PRRC2B: variants seen among roughly 807,000 people sequenced by gnomAD.
The protein encoded by PRRC2B is protein PRRC2B.
PRRC2B carries 68 observed loss-of-function variants against 242.3 expected under a neutral mutation model. The ratio of observed to expected loss-of-function variants is 0.28; its 90% CI spans 0.23 to 0.34. The LOEUF is 0.34. Ranked by LOEUF, PRRC2B falls within the 10% of genes least tolerant of loss-of-function variation. The pLI is 1.00. For missense variants in PRRC2B, 2,835 were observed against 2,954.8 expected (o/e 0.96, Z 0.94); for synonymous variants, 1,228 against 1,173.6 (o/e 1.05, Z -0.95).
chr9:131,403,472 C>T (rs1009107734), intron 1 of PRRC2B, among the ~76,000 whole-genome samples: 1 of 151,870 alleles, frequency 6.6e-6, no homozygotes, highest in Admixed American at 6.6e-5. Flanking sequence ...CTGCCTCAGC[C>T]TCTTGAGTAG....
Position 131,436,482 on chromosome 9 carries a change from T to C in PRRC2B, c.294-138T>C, listed in dbSNP as rs570881747. ...AGTTTTTGCCAGCATAAGAATCTAC[T>C]GGGGAAAGTCGTATTTTTATTGGCC... is the stretch of plus-strand genomic sequence containing the variant. On this transcript the variant is annotated intron_variant, in intron 3 of 31. Transcript: ENST00000683519. 57 of 599,514 alleles carry C rather than the reference T, an allele frequency of 9.5e-5. No homozygotes were observed. The East Asian group carries it at 1.3e-3, about 13-fold the overall frequency. The allele number at this position is 599,514 out of a possible 1,614,324, so 37.1% of individuals were successfully genotyped here. A position where few individuals can be genotyped will look rare whatever the true frequency, so the allele number is the denominator to read the frequency against.
intron 10 of PRRC2B, among the ~76,000 whole-genome samples, chr9:131,455,515 T>C (rs1334008973): frequency 2.6e-5 from 1 of 38,506 alleles, no homozygotes; most frequent in Admixed American, 2.1e-4. Flanking sequence ...AACTTCTTTT[T>C]TTTTTTTTTT....
rs1292854567 is a variant in PRRC2B, at chr9:131,430,079, C to A, written c.-51-15C>A. On this transcript the variant is annotated splice_polypyrimidine_tract_variant and intron_variant, in intron 1 of 31. Coordinates refer to ENST00000683519, the MANE Select transcript of PRRC2B (RefSeq NM_013318.4). The stretch of plus-strand genomic sequence containing the variant: ...CTCTCTCTTTTTTTTTTTTTCTTCT[C>A]TATTTCAAAGGCAGATCGGGAGCGG... 166 of 454,894 alleles carry A rather than the reference C, an allele frequency of 3.6e-4. No homozygotes were observed. Among genetic ancestry groups the A allele is most frequent in the Non-Finnish European group, 4.5e-4 (123 of 274,378 alleles). The allele number at this position is 454,894 out of a possible 1,614,324, so 28.2% of individuals were successfully genotyped here. A position where few individuals can be genotyped will look rare whatever the true frequency, so the allele number is the denominator to read the frequency against.
In PRRC2B at chr9:131,496,126, C is replaced by G. The variant is rs984320314; in HGVS notation, c.*252C>G. On this transcript the variant is annotated 3_prime_UTR_variant, in exon 32 of 32. Transcript: ENST00000683519. ...ACTCCTTCATCCCATCTGCTCCTAC[C>G]GTGACTGTGGAGTGACGCCTCCTGT... The G allele has an allele frequency of 1.3e-4, 64 of 485,004 alleles. No homozygotes were observed. Among genetic ancestry groups the G allele is most frequent in the Non-Finnish European group, 2.0e-4 (53 of 268,226 alleles). 30.0% of individuals were successfully genotyped at this position (485,004 alleles called of 1,614,324 possible). A position where few individuals can be genotyped will look rare whatever the true frequency, so the allele number is the denominator to read the frequency against.
chr9:131,493,744 T>A (rs564943063), intron 30 of PRRC2B, among the ~76,000 whole-genome samples: 13 of 152,304 alleles, frequency 8.5e-5, no homozygotes, highest in African/African-American at 2.9e-4. Context: ...CCTGGTCAGG[T>A]CCTTGGGGGA....
chr9:131,446,748 T>C lies in PRRC2B; in HGVS notation c.855+106T>C. 1 of 1,315,988 alleles carries C rather than the reference T, an allele frequency of 7.6e-7. No individual in the cohort carries two copies. Among genetic ancestry groups the C allele is most frequent in the Non-Finnish European group, 1.1e-6 (1 of 952,254 alleles). The allele number at this position is 1,315,988 out of a possible 1,614,324, so 81.5% of individuals were successfully genotyped here. A position where few individuals can be genotyped will look rare whatever the true frequency, so the allele number is the denominator to read the frequency against. On this transcript the variant is annotated intron_variant, in intron 7 of 31. Coordinates refer to ENST00000683519, the MANE Select transcript of PRRC2B (RefSeq NM_013318.4). This position sits in a 1 kb window ranked among gnomAD's most constrained non-coding sequence, Gnocchi z 4.1. ...CCTTGGGGTCTCCTCTTGGCCCTGT[T>C]ACCCTACTTCTGAGGCTTCCACTCG...
chr9:131,467,464 G>A, intron 12 of PRRC2B, 99 bp from the exon 13 acceptor site: 1 of 1,054,750 alleles, frequency 9.5e-7, no homozygotes, highest in Non-Finnish European at 1.4e-6. Flanking sequence ...TAGCAGTGGA[G>A]CGTACGGGCC....
At chr9:131,382,235 T>C (rs1034797996) in intron 1 of PRRC2B, among the ~76,000 whole-genome samples, 11 of 152,144 alleles carry the variant, frequency 7.2e-5, no homozygotes, top group Non-Finnish European at 1.6e-4. Flanking sequence ...CAGGATGGTC[T>C]CAAACTCCTG....
rs553444971 is a variant in PRRC2B, at chr9:131,462,836, T to TAA, written c.1405-1908_1405-1907dup. 2.0e-3 allele frequency among the ~76,000 whole-genome samples: 163 copies of TAA among 81,934 alleles called. 5 individuals are homozygous for TAA. The highest frequency in any genetic ancestry group is 7.0e-3 in the African/African-American group (154 of 21,942). 53.8% of individuals were successfully genotyped at this position (81,934 alleles called of 152,430 possible). A position where few individuals can be genotyped will look rare whatever the true frequency, so the allele number is the denominator to read the frequency against. On this transcript the variant is annotated intron_variant, in intron 11 of 31. Coordinates refer to ENST00000683519, the MANE Select transcript of PRRC2B (RefSeq NM_013318.4). ...CTGGGTGACAGAGTGAGACTCCGTCTAAAAAAAAAAAAAAAAAAAAGGTCT... is the reference window on the plus strand; with the variant it reads ...CTGGGTGACAGAGTGAGACTCCGTCTAAAAAAAAAAAAAAAAAAAAAAGGTCT...
intron 1 of PRRC2B, among the ~76,000 whole-genome samples, chr9:131,380,504 G>T (rs549380951): frequency 1.3e-5 from 2 of 148,930 alleles, no homozygotes; most frequent in South Asian, 4.3e-4. Context: ...CCTTGAACCC[G>T]GGAGGCGGAG....
chr9:131,498,377 C>T lies in PRRC2B; in HGVS notation c.*2503C>T, dbSNP rs1011950832. 40 of 152,164 alleles carry T rather than the reference C, an allele frequency of 2.6e-4. 1 individual carries two copies. The highest frequency in any genetic ancestry group is 2.6e-3 in the Admixed American group (40 of 15,274). 9.4% of individuals were successfully genotyped at this position (152,164 alleles called of 1,614,324 possible). On this transcript the variant is annotated 3_prime_UTR_variant, in exon 32 of 32. Coordinates refer to ENST00000683519, the MANE Select transcript of PRRC2B (RefSeq NM_013318.4). Reference sequence around the variant, plus strand: ...TTGCATGTGAAGTTCGGTGCAGTCACCACCTGTGTGTGACCTGAGCTGCAG... The same window carrying T: ...TTGCATGTGAAGTTCGGTGCAGTCATCACCTGTGTGTGACCTGAGCTGCAG...
At chr9:131,409,168 A>G (rs1048094642) in intron 1 of PRRC2B, among the ~76,000 whole-genome samples, 1 of 151,792 alleles carries the variant, frequency 6.6e-6, no homozygotes, top group African/African-American at 2.4e-5. Flanking sequence ...GATTACAGGC[A>G]TGTGCCACGA....
At chr9:131,454,739 G>A (rs1365070324) in intron 9 of PRRC2B, among the ~76,000 whole-genome samples, 2 of 151,856 alleles carry the variant, frequency 1.3e-5, no homozygotes, top group Admixed American at 6.6e-5. Context: ...GCGTTCAAGC[G>A]ATTCTCCTGC....
intron 25 of PRRC2B, among the ~76,000 whole-genome samples, chr9:131,485,501 C>A (rs752440790): frequency 6.6e-6 from 1 of 152,198 alleles, no homozygotes; most frequent in Admixed American, 6.5e-5. Context: ...CATGAAACTC[C>A]GTGGGGTGGC....
At chr9:131,465,252 C>A (rs1943359866) in intron 12 of PRRC2B, among the ~76,000 whole-genome samples, 174 bp downstream of exon 12, 1 of 152,124 alleles carries the variant, frequency 6.6e-6, no homozygotes, top group Non-Finnish European at 1.5e-5. Context: ...GGGTTCTGAT[C>A]CTATTTGAAC....
rs1377125902 is a variant in PRRC2B, at chr9:131,494,115, C to T, written c.6474-290C>T. Among the ~76,000 whole-genome samples, 4 of 152,208 alleles carry T rather than the reference C, an allele frequency of 2.6e-5. No individual in the cohort carries two copies. The highest frequency in any genetic ancestry group is 7.2e-5 in the African/African-American group (3 of 41,448). On this transcript the variant is annotated intron_variant, in intron 30 of 31. Transcript: ENST00000683519. This position sits in a 1 kb window ranked among gnomAD's most constrained non-coding sequence, Gnocchi z 4.3. ...TGTCGCTTTCTGCACAGCAGGACAGCCATGCCCATCTGTACAGGGCCTCAG... is the reference window on the plus strand; with the variant it reads ...TGTCGCTTTCTGCACAGCAGGACAGTCATGCCCATCTGTACAGGGCCTCAG...
rs34978838 is a variant in PRRC2B, at chr9:131,376,353, CAAAAAAA to C, written c.-56+2631_-56+2637del. On this transcript the variant is annotated intron_variant, in intron 1 of 1. Coordinates refer to the PRRC2B transcript ENST00000682525. ...TGGGTGACAGAGTGAGACTCCATCT[CAAAAAAA>C]AAAAAAAAGGATGAAATGATAACAT... Among the ~76,000 whole-genome samples, 135 of 112,552 alleles carry C rather than the reference CAAAAAAA, an allele frequency of 1.2e-3. 1 individual carries two copies. The highest frequency in any genetic ancestry group is 4.2e-3 in the African/African-American group (127 of 30,064). 73.8% of individuals were successfully genotyped at this position (112,552 alleles called of 152,430 possible).
rs535527243 is a variant in PRRC2B at position 131,438,691 on chromosome 9, G to A, written c.397-298G>A. Among the ~76,000 whole-genome samples the A allele has an allele frequency of 1.2e-4, 19 of 152,314 alleles. No homozygotes were observed. The South Asian group carries it at 3.7e-3, about 30-fold the overall frequency. On this transcript the variant is annotated intron_variant, in intron 4 of 31. Transcript: ENST00000683519. Reference sequence around the variant, plus strand: ...CCAGAGCACCGAATGGAGAGAAACAGGTTTGGGTCCTGGCTTTGCTGTGTC... The same window carrying A: ...CCAGAGCACCGAATGGAGAGAAACAAGTTTGGGTCCTGGCTTTGCTGTGTC...
intron 2 of PRRC2B, 64 bp from the exon 3 acceptor site, chr9:131,432,553 A>C: frequency 6.8e-7 from 1 of 1,470,628 alleles, no homozygotes; most frequent in Non-Finnish European, 9.3e-7. Flanking sequence ...AGCTGAATGC[A>C]TCAGGCTTCT....
Sources: allele counts gnomAD v4.1 joint callset (sites outside exome capture counted in the v4.1 genomes callset), GRCh38; gene constraint gnomAD v4.1.1; non-coding constraint Gnocchi (gnomAD v3.1); transcripts MANE v1.5; gene names NCBI Gene and HGNC (gene_info 2026-07-23, HGNC 2026-07-21).